Variants in RAPGEF2 observed in about 807,000 individuals in gnomAD.
RAPGEF2 encodes Rap guanine nucleotide exchange factor 2.
RAPGEF2 carries 54 observed loss-of-function variants against 186.7 expected under a neutral mutation model. That is an observed-to-expected ratio of 0.29 (90% CI 0.23 to 0.36). RAPGEF2 has a LOEUF of 0.36. Among genes scored for constraint, RAPGEF2 ranks in the 10% least tolerant of loss-of-function variants. The probability of loss-of-function intolerance (pLI) is 1.00; values close to 1 mark genes in which losing one functional copy is unlikely to be tolerated. For synonymous variants in RAPGEF2, 712 were observed against 705.9 expected (o/e 1.01, Z -0.14); for missense variants, 1,532 against 2,045.0 (o/e 0.75, Z 4.84).
chr4:159,279,292 G>T (rs151258341), intron 7 of RAPGEF2, among the ~76,000 whole-genome samples: 49 of 152,326 alleles, frequency 3.2e-4, no homozygotes, highest in Admixed American at 1.1e-3. Context: ...TTTCTTGTAC[G>T]TGCAGATGCA....
chr4:159,331,501 G>T lies in RAPGEF2; in HGVS notation c.1538G>T (p.Arg513Leu), dbSNP rs780465350. Reference sequence around the variant, plus strand: ...TTTGAAGGAGATCCTGCAATGACTCGATTTTTAGAAGAATTTGAAAACAAT... The same window carrying T: ...TTTGAAGGAGATCCTGCAATGACTCTATTTTTAGAAGAATTTGAAAACAAT... ...NDFEGDPAMT[R>L]FLEEFENNLE... Residue 513 changes from arginine (R) to leucine (L), a missense_variant, in exon 14 of 30, where the codon CGA becomes CTA. Physicochemically the swap from Arg to Leu is moderately radical, Grantham distance 102. Around this residue, in one of 4 missense-constraint regions of RAPGEF2, gnomAD observed 810 missense variants for 1,210.5 expected, o/e 0.67. Transcript: ENST00000691494. 4.3e-6 allele frequency: 7 copies of T among 1,613,218 alleles called. No homozygotes were observed. The South Asian group carries it at 6.6e-5, about 15-fold the overall frequency.
chr4:159,206,056 A>C (rs1450993956), intron 3 of RAPGEF2, among the ~76,000 whole-genome samples: 5 of 151,830 alleles, frequency 3.3e-5, no homozygotes, highest in Non-Finnish European at 5.9e-5. Flanking sequence ...CAGCCTCCCG[A>C]GTAGCTGGGA....
intron 1 of RAPGEF2, among the ~76,000 whole-genome samples, chr4:159,156,091 A>G (rs1229948403): frequency 6.6e-6 from 1 of 152,196 alleles, no homozygotes; most frequent in Non-Finnish European, 1.5e-5. Flanking sequence ...AGGATGGCTT[A>G]GCAGATTCCA....
intron 6 of RAPGEF2, among the ~76,000 whole-genome samples, chr4:159,241,823 G>A (rs1189402083): frequency 6.6e-6 from 1 of 151,680 alleles, no homozygotes; most frequent in Middle Eastern, 3.2e-3. Context: ...TGTCATCCCT[G>A]TTTTTTATTT....
intron 13 of RAPGEF2, 155 bp downstream of exon 13, chr4:159,330,653 A>C: frequency 3.5e-6 from 2 of 577,704 alleles, no homozygotes; most frequent in South Asian, 5.4e-5. Context: ...ACAAAAAAAA[A>C]GGTGATACAA....
intron 7 of RAPGEF2, among the ~76,000 whole-genome samples, chr4:159,274,797 T>C (rs756452837): frequency 3.9e-5 from 6 of 152,186 alleles, no homozygotes; most frequent in Admixed American, 6.5e-5. Context: ...TATTAGGGAA[T>C]GTAGATATAA....
intron 9 of RAPGEF2, 25 bp from the exon 10 acceptor site, chr4:159,322,322 A>G: frequency 1.9e-6 from 3 of 1,604,860 alleles, no homozygotes; most frequent in East Asian, 2.2e-5. Flanking sequence ...AGTAGTTTTT[A>G]CAAAGTATGT....
intron 5 of RAPGEF2, among the ~76,000 whole-genome samples, chr4:159,240,010 G>A (rs922460584): frequency 3.9e-5 from 6 of 152,110 alleles, no homozygotes; most frequent in African/African-American, 1.2e-4. Flanking sequence ...TTTACAAAAC[G>A]TACTCAAGTG....
intron 1 of RAPGEF2, among the ~76,000 whole-genome samples, chr4:159,116,335 C>T (rs916336058): frequency 2.0e-4 from 30 of 152,172 alleles, no homozygotes; most frequent in African/African-American, 5.8e-4. Context: ...GGAAAAAAAG[C>T]TCAACATCAC....
intron 6 of RAPGEF2, among the ~76,000 whole-genome samples, chr4:159,241,916 T>G (rs1187871739): frequency 6.6e-6 from 1 of 152,170 alleles, no homozygotes. Flanking sequence ...TATTTTTTAA[T>G]GCAGTGAAGG....
intron 8 of RAPGEF2, among the ~76,000 whole-genome samples, chr4:159,310,173 T>C (rs1579879720): frequency 6.6e-6 from 1 of 151,858 alleles, no homozygotes; most frequent in Non-Finnish European, 1.5e-5. Context: ...ATTTGAAACA[T>C]AATAGTAATT....
intron 4 of RAPGEF2, among the ~76,000 whole-genome samples, chr4:159,228,004 G>A (rs1247216199): frequency 6.6e-6 from 1 of 152,170 alleles, no homozygotes; most frequent in Non-Finnish European, 1.5e-5. Context: ...AGACATTGCA[G>A]ATTTCCCTAC....
Position 159,353,338 on chromosome 4 carries a change from A to C in RAPGEF2, c.4092-149A>C. 1.8e-6 allele frequency: 1 copy of C among 554,216 alleles called. No individual in the cohort carries two copies. Among genetic ancestry groups the C allele is most frequent in the Non-Finnish European group, 2.9e-6 (1 of 347,436 alleles). The allele number at this position is 554,216 out of a possible 1,614,324, so 34.3% of individuals were successfully genotyped here. A position where few individuals can be genotyped will look rare whatever the true frequency, so the allele number is the denominator to read the frequency against. ...AAGGCTAGACATGGCAGAACTGGCC[A>C]ATATAAGGCAATTCAGTGCTACTTT... On this transcript the variant is annotated intron_variant, in intron 27 of 29. Coordinates refer to ENST00000691494, the MANE Select transcript of RAPGEF2 (RefSeq NM_001394067.2). This position sits in a 1 kb window ranked among gnomAD's most constrained non-coding sequence, Gnocchi z 4.3.
chr4:159,172,244 T>A (rs1219775830), intron 1 of RAPGEF2, among the ~76,000 whole-genome samples: 1 of 152,210 alleles, frequency 6.6e-6, no homozygotes, highest in Admixed American at 6.5e-5. Flanking sequence ...TCCTTCTTCC[T>A]GTATGGGTCC....
At chr4:159,194,907 T>A (rs2111320569) in intron 3 of RAPGEF2, among the ~76,000 whole-genome samples, 1 of 152,284 alleles carries the variant, frequency 6.6e-6, no homozygotes, top group Non-Finnish European at 1.5e-5. Flanking sequence ...ATTGAGTGTC[T>A]GGACAAAGAG....
At chr4:159,295,724 T>TGTGA (rs1435597333) in intron 7 of RAPGEF2, among the ~76,000 whole-genome samples, 14 of 58,520 alleles carry the variant, frequency 2.4e-4, no homozygotes, top group African/African-American at 8.7e-4. Context: ...TGTGTGAGTG[T>TGTGA]GTGTGTGTGT....
At chr4:159,253,416 A>G (rs998769070) in intron 7 of RAPGEF2, among the ~76,000 whole-genome samples, 2 of 152,242 alleles carry the variant, frequency 1.3e-5, no homozygotes, top group Admixed American at 6.5e-5. Context: ...ATATAAAGAA[A>G]AGTCACATTT....
intron 19 of RAPGEF2, among the ~76,000 whole-genome samples, chr4:159,340,629 AAAAAAC>A (rs1392252441): frequency 9.3e-5 from 14 of 151,246 alleles, no homozygotes; most frequent in Admixed American, 3.3e-4. Flanking sequence ...GCATGTGTCT[AAAAAAC>A]AAAAACAAAA....
chr4:159,314,777 G>C lies in RAPGEF2; in HGVS notation c.853+9G>C, dbSNP rs1300400587. On this transcript the variant is annotated intron_variant, in intron 9 of 29. Transcript: ENST00000691494. The stretch of plus-strand genomic sequence containing the variant: ...GACAGATGATGACATTGGTAAGCTT[G>C]AACAGGAAAATGAATCTACGAGCAA... The C allele has an allele frequency of 4.4e-6, 7 of 1,573,456 alleles. No homozygotes were observed. Among genetic ancestry groups the C allele is most frequent in the Non-Finnish European group, 6.0e-6 (7 of 1,163,814 alleles).
Sources: allele counts gnomAD v4.1 joint callset (sites outside exome capture counted in the v4.1 genomes callset), GRCh38; gene constraint gnomAD v4.1.1; regional missense constraint gnomAD v4.1.1; non-coding constraint Gnocchi (gnomAD v3.1); transcripts MANE v1.5; gene names NCBI Gene and HGNC (gene_info 2026-07-23, HGNC 2026-07-21).